Variants in RAB18 observed in about 807,000 individuals in gnomAD.
The protein encoded by RAB18 is RAB18, member RAS oncogene family, also known as ras-related protein Rab-18.
Under a neutral mutation model 28.5 loss-of-function variants are expected in RAB18, and 10 were observed. The ratio of observed to expected loss-of-function variants is 0.35; its 90% confidence interval spans 0.22 to 0.60. The LOEUF is 0.60. Ranked by LOEUF, RAB18 falls within the 20% of genes least tolerant of loss-of-function variation. The pLI, the probability that RAB18 is intolerant of heterozygous loss-of-function variation, is 0.78. For synonymous variants in RAB18, 93 were observed against 86.9 expected, an observed-to-expected ratio of 1.07 and a Z score of -0.39; for missense variants, 188 against 244.2, an observed-to-expected ratio of 0.77 and a Z score of 1.53.
At chr10:27,532,444 TAA>T in intron 3 of RAB18, 61 bp from the exon 4 acceptor site, 3 of 1,243,762 alleles carry the variant, frequency 2.4e-6, no homozygotes, top group Non-Finnish European at 3.5e-6. Context: ...TTTCTACTCT[TAA>T]ACTAGTATAT....
At position 27,540,883 on chromosome 10, in the gene RAB18, G is replaced by A. The variant is rs1205515474; in HGVS notation, c.*2832G>A. The A allele has an allele frequency of 2.2e-6, 1 of 453,956 alleles. No individual in the cohort carries two copies. Among genetic ancestry groups the A allele is most frequent in the Non-Finnish European group, 4.4e-6 (1 of 226,776 alleles). The allele number at this position is 453,956 out of a possible 1,614,324, so 28.1% of individuals were successfully genotyped here. A position where few individuals can be genotyped will look rare whatever the true frequency, so the allele number is the denominator to read the frequency against. On this transcript the variant is annotated 3_prime_UTR_variant, in exon 7 of 7. Transcript: ENST00000356940. ...AGACATGATTCTCTACTAAGGGTGGGGCTAGCACCATAGCTCATAAAAGAA... is the reference window on the plus strand; with the variant it reads ...AGACATGATTCTCTACTAAGGGTGGAGCTAGCACCATAGCTCATAAAAGAA...
At chr10:27,532,174 T>G (rs1427512511) in intron 3 of RAB18, among the ~76,000 whole-genome samples, 3 of 152,024 alleles carry the variant, frequency 2.0e-5, no homozygotes, top group African/African-American at 7.2e-5. Context: ...AAGCAGAAAT[T>G]TTTTGGAAGC....
intron 2 of RAB18, among the ~76,000 whole-genome samples, chr10:27,515,430 A>G (rs1281755423): frequency 6.6e-6 from 1 of 152,248 alleles, no homozygotes; most frequent in Non-Finnish European, 1.5e-5. Flanking sequence ...AGACTGGGTC[A>G]CAACATATTT....
chr10:27,513,082 G>A (rs1170018833), intron 2 of RAB18, among the ~76,000 whole-genome samples: 2 of 150,064 alleles, frequency 1.3e-5, no homozygotes, highest in African/African-American at 4.9e-5. Flanking sequence ...GCCCAGGCCG[G>A]AGTGCAGTGG....
Position 27,534,003 on chromosome 10 carries a change from G to A in RAB18, c.445+9G>A. On this transcript the variant is annotated intron_variant, in intron 6 of 6. Transcript: ENST00000356940. ...TTCCATGTTATTTATAGGTAGGTGT[G>A]TGAATGAATATCTGTCCTTTCATTA... 6.3e-7 allele frequency: 1 copy of A among 1,581,140 alleles called. No homozygotes were observed. Among genetic ancestry groups the A allele is most frequent in the African/African-American group, 1.3e-5 (1 of 74,194 alleles).
At chr10:27,534,236 G>A (rs1050444486) in intron 6 of RAB18, among the ~76,000 whole-genome samples, 1 of 152,152 alleles carries the variant, frequency 6.6e-6, no homozygotes, top group African/African-American at 2.4e-5. Flanking sequence ...GGATATAGTG[G>A]CATTCAGTAA....
intron 1 of RAB18, chr10:27,504,651 C>G (rs554253730): frequency 3.9e-5 from 29 of 743,072 alleles, no homozygotes; most frequent in Non-Finnish European, 6.9e-5. Context: ...TTGCCAGGCC[C>G]AAGTTCTCTG....
intron 6 of RAB18, among the ~76,000 whole-genome samples, chr10:27,535,298 A>G (rs956472196): frequency 3.9e-5 from 6 of 152,046 alleles, no homozygotes; most frequent in African/African-American, 1.4e-4. Flanking sequence ...GTGTTATTGT[A>G]TGTTATTTGT....
At chr10:27,506,452 G>A (rs1837840278) in intron 1 of RAB18, among the ~76,000 whole-genome samples, 1 of 152,048 alleles carries the variant, frequency 6.6e-6, no homozygotes, top group African/African-American at 2.4e-5. Context: ...CTTTTGAGTA[G>A]CTGGACTATA....
At chr10:27,516,072 GCTTTT>G (rs1834432515) in intron 2 of RAB18, among the ~76,000 whole-genome samples, 1 of 151,710 alleles carries the variant, frequency 6.6e-6, no homozygotes, top group African/African-American at 2.4e-5. Context: ...CGTTCTTCCT[GCTTTT>G]CTTTTGGTGT....
At chr10:27,531,466 C>T (rs1349344109) in intron 3 of RAB18, 4 of 1,509,980 alleles carry the variant, frequency 2.6e-6, no homozygotes, top group Non-Finnish European at 3.6e-6. Context: ...CCCTCATTTA[C>T]AGCAGTGGGA....
At chr10:27,518,620 T>C (rs774283737) in intron 2 of RAB18, among the ~76,000 whole-genome samples, 1 of 152,130 alleles carries the variant, frequency 6.6e-6, no homozygotes, top group Non-Finnish European at 1.5e-5. Context: ...GGTTTTTTGC[T>C]TTTTTGGGGG....
chr10:27,538,139 T>G lies in RAB18; in HGVS notation c.*88T>G. ...TCTTTAACTGCTATTTTAGGGACCT[T>G]GCAGTTTGCACATAATTGTTTTATA... On this transcript the variant is annotated 3_prime_UTR_variant, in exon 7 of 7. Coordinates refer to ENST00000356940, the MANE Select transcript of RAB18 (RefSeq NM_021252.5). 1.3e-6 allele frequency: 2 copies of G among 1,500,112 alleles called. No homozygotes were observed. Among genetic ancestry groups the G allele is most frequent in the Non-Finnish European group, 1.9e-6 (2 of 1,079,134 alleles). 92.9% of individuals were successfully genotyped at this position (1,500,112 alleles called of 1,614,324 possible).
intron 3 of RAB18, 31 bp downstream of exon 3, chr10:27,526,920 A>G (rs1286885496): frequency 6.3e-7 from 1 of 1,588,250 alleles, no homozygotes; most frequent in Non-Finnish European, 8.6e-7. Flanking sequence ...TTTTTAAAAT[A>G]TTAAACTTTA....
intron 2 of RAB18, among the ~76,000 whole-genome samples, chr10:27,515,206 A>G (rs1834411265): frequency 6.6e-6 from 1 of 152,192 alleles, no homozygotes; most frequent in African/African-American, 2.4e-5. Flanking sequence ...AGTAATTGGT[A>G]GCATAGATGG....
intron 3 of RAB18, among the ~76,000 whole-genome samples, chr10:27,530,474 A>G (rs1834765536): frequency 6.6e-6 from 1 of 151,532 alleles, no homozygotes; most frequent in South Asian, 2.1e-4. Context: ...TAAAAGTTAA[A>G]TGCTTAACAT....
intron 1 of RAB18, among the ~76,000 whole-genome samples, chr10:27,508,454 GTAA>G (rs1837906841): frequency 6.7e-6 from 1 of 150,034 alleles, no homozygotes; most frequent in South Asian, 2.1e-4. Flanking sequence ...TGTTTTTGTA[GTAA>G]TATTTTCTGT....
In RAB18 at chr10:27,526,914, T is replaced by A; in HGVS notation, c.186+25T>A. The A allele has an allele frequency of 1.3e-6, 2 of 1,596,974 alleles. 1 individual carries two copies. Among genetic ancestry groups the A allele is most frequent in the South Asian group, 2.2e-5 (2 of 90,422 alleles). On this transcript the variant is annotated intron_variant, in intron 3 of 6. Transcript: ENST00000356940. Reference sequence around the variant, plus strand: ...GGTAAGAGTTTTTAAAATGTATTTTTAAAATATTAAACTTTACTTTTTAAG... The same window carrying A: ...GGTAAGAGTTTTTAAAATGTATTTTAAAAATATTAAACTTTACTTTTTAAG...
chr10:27,531,627 G>A, intron 3 of RAB18: 1 of 787,314 alleles, frequency 1.3e-6, no homozygotes, highest in Non-Finnish European at 2.2e-6. Flanking sequence ...TAAGCAAATA[G>A]GCCTGCTGTG....
Sources: gnomAD v4.1 joint callset for allele counts (sites outside exome capture counted in the v4.1 genomes callset) on GRCh38, gnomAD v4.1.1 for gene constraint, MANE v1.5 for transcripts, NCBI Gene and HGNC (gene_info 2026-07-23, HGNC 2026-07-21) for gene names.